C5orf63: variants seen among roughly 807,000 people sequenced by gnomAD.
The protein encoded by C5orf63 is chromosome 5 open reading frame 63.
A neutral mutation model predicts 13.3 loss-of-function variants in C5orf63; 18 were observed. That is an observed-to-expected ratio of 1.36 (90% CI 0.94 to 2.01). The LOEUF is 2.01. C5orf63 is among the 30% of genes most tolerant of loss of function. The pLI is 0.00. For missense variants in C5orf63, 118 were observed against 127.7 expected (o/e 0.92, Z 0.36); for synonymous variants, 38 against 44.7 (o/e 0.85, Z 0.60).
At chr5:127,069,047 C>T (rs1023531255) in intron 2 of C5orf63, among the ~76,000 whole-genome samples, 17 of 152,134 alleles carry the variant, frequency 1.1e-4, no homozygotes, top group Admixed American at 4.6e-4. Flanking sequence ...CAACAATGCT[C>T]GGTTCAATTA....
At chr5:127,047,877 TCTC>T (rs1580521582), downstream of C5orf63, 1 of 702,946 alleles carries the variant, frequency 1.4e-6, no homozygotes, top group Non-Finnish European at 2.6e-6. Context: ...GGGAGCGTCT[TCTC>T]CTTGTTCCTG....
At chr5:127,044,891 C>G (rs1160550374), downstream of C5orf63, 3 of 151,108 alleles carry the variant, frequency 2.0e-5, no homozygotes, top group African/African-American at 7.3e-5. Flanking sequence ...GCTGGCATTA[C>G]AGGCATGAGC....
At chr5:127,067,681 A>G (rs1754380678) in intron 2 of C5orf63, among the ~76,000 whole-genome samples, 1 of 152,128 alleles carries the variant, frequency 6.6e-6, no homozygotes. Context: ...TTCCCTTCCA[A>G]TTGGTTTTTC....
Position 127,071,351 on chromosome 5 carries a change from T to C in C5orf63, c.-8+233A>G, listed in dbSNP as rs1754532864. Among the ~76,000 whole-genome samples the C allele has an allele frequency of 7.9e-5, 12 of 152,242 alleles. 1 individual carries two copies. The South Asian group carries it at 2.5e-3, about 31-fold the overall frequency. ...AGTTTGCCTCCATATCTAGGAACTT[T>C]AACTTTGGTAAGGATTGGAATAAAA... On this transcript the variant is annotated intron_variant, in intron 2 of 4. Coordinates refer to ENST00000296662, the MANE Select transcript of C5orf63 (RefSeq NM_001164478.2).
In C5orf63 at chr5:127,052,694, C is replaced by A. The variant is rs370278047; in HGVS notation, c.115-25G>T. On this transcript the variant is annotated intron_variant, in intron 3 of 4. Transcript: ENST00000296662. ...CCTACAGGAAGAAAAAAAACCCAAGCGATTAAACCCAAAGAATGGCATTTG... is the reference window on the plus strand; with the variant it reads ...CCTACAGGAAGAAAAAAAACCCAAGAGATTAAACCCAAAGAATGGCATTTG... 350 of 1,460,296 alleles carry A rather than the reference C, an allele frequency of 2.4e-4. 1 individual carries two copies. In the African/African-American group the frequency reaches 4.5e-3, roughly 19 times the overall value. The allele number at this position is 1,460,296 out of a possible 1,614,324, so 90.5% of individuals were successfully genotyped here. A position where few individuals can be genotyped will look rare whatever the true frequency, so the allele number is the denominator to read the frequency against.
At chr5:127,044,695 T>C (rs1186558836), downstream of C5orf63, 1 of 152,148 alleles carries the variant, frequency 6.6e-6, no homozygotes, top group African/African-American at 2.4e-5. Context: ...AGGGTCACTT[T>C]TGAGGCCTCT....
At chr5:127,050,356 T>C (rs970361778), downstream of C5orf63, among the ~76,000 whole-genome samples, 6 of 152,168 alleles carry the variant, frequency 3.9e-5, no homozygotes, top group Admixed American at 6.5e-5. Flanking sequence ...TTTTATTTTT[T>C]TTTTTTAAGA....
At chr5:127,067,711 C>T (rs537194877) in intron 2 of C5orf63, among the ~76,000 whole-genome samples, 8 of 152,158 alleles carry the variant, frequency 5.3e-5, no homozygotes, top group African/African-American at 1.9e-4. Flanking sequence ...GTTTTTATTT[C>T]TCAAACAGGG....
chr5:127,047,841 C>T (rs1490051471), downstream of C5orf63: 1 of 703,794 alleles, frequency 1.4e-6, no homozygotes, highest in Non-Finnish European at 2.6e-6. Context: ...ACTGAGAAGC[C>T]ATGTGGGGGT....
chr5:127,058,976 T>C lies in C5orf63; in HGVS notation c.20A>G (p.Asn7Ser), dbSNP rs188886844. 98 of 1,536,788 alleles carry C rather than the reference T, an allele frequency of 6.4e-5. No homozygotes were observed. The African/African-American group carries it at 1.3e-3, about 20-fold the overall frequency. MLWFQGNSMQLARSSFG... is the reference protein window; with the variant it reads MLWFQGSSMQLARSSFG... ...GGAGGATCTGGCAAGTTGCATGCTA[T>C]TTCCTTGAAACCAGAGCATCTTAAT... Residue 7 changes from asparagine (N) to serine (S), a missense_variant, in exon 3 of 5, where the codon AAT becomes AGT. Transcript: ENST00000296662.
intron 2 of C5orf63, among the ~76,000 whole-genome samples, chr5:127,068,340 T>C (rs1416532775): frequency 5.3e-5 from 8 of 152,190 alleles, no homozygotes; most frequent in Non-Finnish European, 1.0e-4. Flanking sequence ...AATTCACTTA[T>C]AGATCCAGGC....
At chr5:127,047,851 T>C (rs1297271034), downstream of C5orf63, 1 of 703,474 alleles carries the variant, frequency 1.4e-6, no homozygotes, top group Non-Finnish European at 2.6e-6. Flanking sequence ...CATGTGGGGG[T>C]GGGAAGGTGA....
chr5:127,069,466 G>T (rs569547720), intron 2 of C5orf63, among the ~76,000 whole-genome samples: 1 of 152,192 alleles, frequency 6.6e-6, no homozygotes, highest in East Asian at 1.9e-4. Context: ...ATCCACCCAG[G>T]CAATGTCTTC....
chr5:127,051,687 T>C lies in C5orf63; in HGVS notation c.*84A>G, dbSNP rs1461961066. 3 of 1,404,320 alleles carry C rather than the reference T, an allele frequency of 2.1e-6. No homozygotes were observed. The highest frequency in any genetic ancestry group is 3.1e-5 in the Admixed American group (1 of 31,894). The allele number at this position is 1,404,320 out of a possible 1,614,324, so 87.0% of individuals were successfully genotyped here. On this transcript the variant is annotated 3_prime_UTR_variant, in exon 5 of 5. Coordinates refer to ENST00000296662, the MANE Select transcript of C5orf63 (RefSeq NM_001164478.2). ...GAACATCCTTAGGGCTCTGTACAAGTGACAAAATGAGTATCAGGCCATGGT... is the reference window on the plus strand; with the variant it reads ...GAACATCCTTAGGGCTCTGTACAAGCGACAAAATGAGTATCAGGCCATGGT...
At chr5:127,061,220 C>T (rs958126102) in intron 2 of C5orf63, among the ~76,000 whole-genome samples, 2 of 152,202 alleles carry the variant, frequency 1.3e-5, no homozygotes, top group Non-Finnish European at 2.9e-5. Flanking sequence ...TCCTCTGCTT[C>T]ACAGAGCATT....
intron 2 of C5orf63, among the ~76,000 whole-genome samples, chr5:127,059,353 T>C (rs557119888): frequency 8.0e-4 from 121 of 152,116 alleles, no homozygotes; most frequent in African/African-American, 2.9e-3. Flanking sequence ...ATATGGAGGT[T>C]TCCTGAGATG....
At chr5:127,056,300 G>A (rs1453254190) in intron 3 of C5orf63, 2 of 152,440 alleles carry the variant, frequency 1.3e-5, no homozygotes, top group Admixed American at 6.5e-5. Context: ...TGGGATGGCT[G>A]CAGTCATCCA....
At chr5:127,066,818 A>G (rs1754349930) in intron 2 of C5orf63, among the ~76,000 whole-genome samples, 1 of 152,196 alleles carries the variant, frequency 6.6e-6, no homozygotes, top group African/African-American at 2.4e-5. Context: ...GAAGCAATCC[A>G]ACATTTAGAG....
intron 3 of C5orf63, among the ~76,000 whole-genome samples, chr5:127,054,514 G>T (rs898835188): frequency 1.3e-5 from 2 of 152,140 alleles, no homozygotes; most frequent in East Asian, 1.9e-4. Flanking sequence ...TCATGTGTCT[G>T]TTGGCTGCAT....
Sources: gnomAD v4.1 joint callset for allele counts (sites outside exome capture counted in the v4.1 genomes callset) on GRCh38, gnomAD v4.1.1 for gene constraint, MANE v1.5 for transcripts, NCBI Gene and HGNC (gene_info 2026-07-23, HGNC 2026-07-21) for gene names.